The following FBXL7 variants were observed in gnomAD, a reference collection of about 807,000 sequenced individuals.
FBXL7 encodes F-box and leucine rich repeat protein 7.
FBXL7 carries 12 observed loss-of-function variants against 38.3 expected under a neutral mutation model. The ratio of observed to expected loss-of-function variants is 0.31; its 90% CI spans 0.20 to 0.51. FBXL7 has a LOEUF of 0.51. Among genes scored for constraint, FBXL7 ranks in the 20% least tolerant of loss-of-function variants. FBXL7 has a pLI of 0.98. For missense variants in FBXL7, 567 were observed against 676.4 expected, an observed-to-expected ratio of 0.84 and a Z score of 1.79; for synonymous variants, 297 against 300.9, an observed-to-expected ratio of 0.99 and a Z score of 0.13.
At chr5:15,817,473 T>A (rs1457451874) in intron 2 of FBXL7, among the ~76,000 whole-genome samples, 1 of 152,152 alleles carries the variant, frequency 6.6e-6, no homozygotes, top group Non-Finnish European at 1.5e-5. Context: ...AGAGATTGGA[T>A]ACTGACAGAG....
At chr5:15,758,732 G>A (rs1186494046) in intron 2 of FBXL7, among the ~76,000 whole-genome samples, 1 of 151,874 alleles carries the variant, frequency 6.6e-6, no homozygotes, top group Non-Finnish European at 1.5e-5. Context: ...GGTGTTTAAG[G>A]GATTGTCTCT....
At chr5:15,835,833 T>A (rs1561145073) in intron 2 of FBXL7, among the ~76,000 whole-genome samples, 1 of 152,214 alleles carries the variant, frequency 6.6e-6, no homozygotes, top group Non-Finnish European at 1.5e-5. Context: ...TAGGACTTTC[T>A]GTTAAGTTGT....
chr5:15,871,981 A>G (rs1312577987), intron 2 of FBXL7, among the ~76,000 whole-genome samples: 3 of 152,174 alleles, frequency 2.0e-5, no homozygotes, highest in Non-Finnish European at 4.4e-5. Flanking sequence ...AAGACACACA[A>G]TCATCAGATT....
At chr5:15,801,633 C>CG (rs1561131619) in intron 2 of FBXL7, among the ~76,000 whole-genome samples, 8 of 117,328 alleles carry the variant, frequency 6.8e-5, no homozygotes, top group Non-Finnish European at 1.3e-4. Flanking sequence ...AAGGGGGAGT[C>CG]AGTGTGTGTG....
At chr5:15,663,173 C>A (rs552228473) in intron 2 of FBXL7, among the ~76,000 whole-genome samples, 2 of 152,230 alleles carry the variant, frequency 1.3e-5, no homozygotes, top group African/African-American at 2.4e-5. Context: ...TCTCTAATTT[C>A]TTTGAGCAGT....
At position 15,706,886 on chromosome 5, in the gene FBXL7, A is replaced by G. The variant is rs563810171; in HGVS notation, c.127+90814A>G. Among the ~76,000 whole-genome samples, 92 of 152,156 alleles carry G rather than the reference A, an allele frequency of 6.0e-4. 1 individual carries two copies. Among genetic ancestry groups the G allele is most frequent in the African/African-American group, 2.1e-3 (88 of 41,534 alleles). On this transcript the variant is annotated intron_variant, in intron 2 of 3. Transcript: ENST00000504595. ...GTTGTCTTTGAGATGTCTTCCCGAC[A>G]TCTCAAAGTTCCCCAGGTAAGACTG...
At chr5:15,702,767 A>G (rs2126634539) in intron 2 of FBXL7, among the ~76,000 whole-genome samples, 1 of 152,306 alleles carries the variant, frequency 6.6e-6, no homozygotes, top group East Asian at 1.9e-4. Context: ...GAGACCACCA[A>G]ACAGGCTTTG....
chr5:15,848,344 A>C (rs1305079763), intron 2 of FBXL7, among the ~76,000 whole-genome samples: 1 of 151,994 alleles, frequency 6.6e-6, no homozygotes, highest in Admixed American at 6.6e-5. Flanking sequence ...CATTCTTTGA[A>C]GCTTAAACAG....
chr5:15,652,628 G>A (rs1741748583), intron 2 of FBXL7, among the ~76,000 whole-genome samples: 3 of 152,102 alleles, frequency 2.0e-5, no homozygotes. Flanking sequence ...GCCTGTCTCA[G>A]CTTTTGACAT....
chr5:15,928,274 A>C lies in FBXL7; in HGVS notation c.512A>C (p.Lys171Thr). 1 of 1,612,834 alleles carries C rather than the reference A, an allele frequency of 6.2e-7. No homozygotes were observed. ...GETINVDRALKVLTRRLCQDT... is the reference protein window; with the variant it reads ...GETINVDRALTVLTRRLCQDT... ...ACCATCAACGTGGACCGCGCCCTCA[A>C]GGTGCTGACCCGCAGACTCTGCCAG... Residue 171 changes from lysine to threonine, a missense_variant, in exon 3 of 4, where the codon AAG becomes ACG. By Grantham distance (78) the Lys-to-Thr change is moderately conservative (BLOSUM62 -1). Transcript: ENST00000504595. The surrounding 1 kb of genome is among the most constrained non-coding windows in gnomAD (Gnocchi z 4.0).
In FBXL7 at chr5:15,820,025, C is replaced by A. The variant is rs576203766; in HGVS notation, c.128-107865C>A. ...ATTGAATTCTAGAATGAAAACTGAC[C>A]AGCTCTGTTATTCAGAGTCTAGGGA... On this transcript the variant is annotated intron_variant, in intron 2 of 3. Coordinates refer to ENST00000504595, the MANE Select transcript of FBXL7 (RefSeq NM_012304.5). 2.0e-4 allele frequency among the ~76,000 whole-genome samples: 30 copies of A among 152,256 alleles called. No individual in the cohort carries two copies. In the South Asian group the frequency reaches 6.2e-3, roughly 32 times the overall value.
rs1283320044 is a variant in FBXL7, at chr5:15,500,715, T to G, written c.37+2T>G. 1 of 1,605,304 alleles carries G rather than the reference T, an allele frequency of 6.2e-7. No homozygotes were observed. ...ATGGCAAACAGTACGGCAGTGAGGG[T>G]GAGTGGGCCGCCCGTCCTCAGACTC... On this transcript the variant is annotated splice_donor_variant, in intron 1 of 3. Transcript: ENST00000504595. LOFTEE classifies it high-confidence loss of function.
rs1361326597 is a variant in FBXL7 at position 15,803,840 on chromosome 5, C to T, written c.128-124050C>T. ...TCTGTGCAAGTGAGGAAATCAGGCA[C>T]TCCGGTAGATGTGTAGGGGGTCACA... On this transcript the variant is annotated intron_variant, in intron 2 of 3. Transcript: ENST00000504595. Among the ~76,000 whole-genome samples the T allele has an allele frequency of 2.0e-5, 3 of 152,184 alleles. No homozygotes were observed. In the South Asian group the frequency reaches 6.2e-4, roughly 32 times the overall value.
chr5:15,915,462 T>A (rs1741560126), intron 2 of FBXL7, among the ~76,000 whole-genome samples: 2 of 152,226 alleles, frequency 1.3e-5, no homozygotes, highest in African/African-American at 4.8e-5. Flanking sequence ...CATCTCCCTC[T>A]GCATATGAGT....
At chr5:15,670,972 A>G (rs1402846769) in intron 2 of FBXL7, among the ~76,000 whole-genome samples, 1 of 152,180 alleles carries the variant, frequency 6.6e-6, no homozygotes. Flanking sequence ...AGCTAAGTGA[A>G]ACATGAGTTG....
intron 2 of FBXL7, among the ~76,000 whole-genome samples, chr5:15,748,947 T>C (rs953432793): frequency 6.6e-6 from 1 of 152,126 alleles, no homozygotes; most frequent in Admixed American, 6.5e-5. Flanking sequence ...AACATGTCTT[T>C]AAGATTTCAA....
At chr5:15,804,735 C>A (rs577650559) in intron 2 of FBXL7, among the ~76,000 whole-genome samples, 4 of 152,116 alleles carry the variant, frequency 2.6e-5, no homozygotes, top group African/African-American at 9.6e-5. Flanking sequence ...GGAGTGAGAA[C>A]CTGATTGTGA....
chr5:15,634,403 C>T (rs1741110399), intron 2 of FBXL7, among the ~76,000 whole-genome samples: 2 of 149,542 alleles, frequency 1.3e-5, no homozygotes, highest in African/African-American at 2.5e-5. Flanking sequence ...CTCACTGCAA[C>T]CCCCGCCTCC....
At chr5:15,841,313 G>A (rs1738741188) in intron 2 of FBXL7, among the ~76,000 whole-genome samples, 1 of 152,054 alleles carries the variant, frequency 6.6e-6, no homozygotes, top group South Asian at 2.1e-4. Context: ...TTTGACCTAT[G>A]TTAGCAGTTG....
Sources: gnomAD v4.1 joint callset for allele counts (sites outside exome capture counted in the v4.1 genomes callset) on GRCh38, gnomAD v4.1.1 for gene constraint, Gnocchi (gnomAD v3.1) non-coding constraint, MANE v1.5 for transcripts, NCBI Gene and HGNC (gene_info 2026-07-23, HGNC 2026-07-21) for gene names.